Variants in ZCCHC24 observed in about 807,000 individuals in gnomAD.
ZCCHC24 encodes zinc finger CCHC domain-containing protein 24.
Under a neutral mutation model 26.2 loss-of-function variants are expected in ZCCHC24, and 10 were observed. That is an observed-to-expected ratio of 0.38 (90% confidence interval 0.24 to 0.65). The LOEUF is 0.65. Among genes scored for constraint, ZCCHC24 ranks in the 30% least tolerant of loss-of-function variants. ZCCHC24 has a pLI of 0.54. For synonymous variants in ZCCHC24, 144 were observed against 147.1 expected, an observed-to-expected ratio of 0.98 and a Z score of 0.15; for missense variants, 243 against 329.1, an observed-to-expected ratio of 0.74 and a Z score of 2.03.
rs1446966216 is a variant in ZCCHC24 at position 79,383,373 on chromosome 10, G to C, written c.*2972C>G. The stretch of plus-strand genomic sequence containing the variant: ...TTCTATGTAGACAATATTTCCTTCT[G>C]AATGTAGTTCAGTTGCATATTTTTA... On this transcript the variant is annotated 3_prime_UTR_variant, in exon 4 of 4. Coordinates refer to ENST00000372336, the MANE Select transcript of ZCCHC24 (RefSeq NM_153367.4). 6.6e-6 allele frequency: 1 copy of C among 152,472 alleles called. No homozygotes were observed. The highest frequency in any genetic ancestry group is 1.5e-5 in the Non-Finnish European group (1 of 68,016). 9.4% of individuals were successfully genotyped at this position (152,472 alleles called of 1,614,324 possible).
intron 2 of ZCCHC24, among the ~76,000 whole-genome samples, chr10:79,409,843 C>T (rs889362387): frequency 2.0e-5 from 3 of 152,208 alleles, no homozygotes; most frequent in Admixed American, 6.5e-5. Flanking sequence ...GTCCCCACTG[C>T]GAGTGTTTGG....
rs1296917081 is a variant in ZCCHC24 at position 79,385,496 on chromosome 10, G to A, written c.*849C>T. 2.0e-5 allele frequency: 3 copies of A among 152,286 alleles called. No individual in the cohort carries two copies. The highest frequency in any genetic ancestry group is 7.2e-5 in the African/African-American group (3 of 41,464). The allele number at this position is 152,286 out of a possible 1,614,324, so 9.4% of individuals were successfully genotyped here. ...CCGAGGTCTCCAGAACACCAGGCTT[G>A]TGTCCTTTCTGCTGGAACAGACACG... On this transcript the variant is annotated 3_prime_UTR_variant, in exon 4 of 4. Transcript: ENST00000372336. This position sits in a 1 kb window ranked among gnomAD's most constrained non-coding sequence, Gnocchi z 4.3.
chr10:79,430,685 A>G (rs145769454), intron 2 of ZCCHC24, among the ~76,000 whole-genome samples: 1 of 76,020 alleles, frequency 1.3e-5, no homozygotes, highest in Non-Finnish European at 2.5e-5. Context: ...ACACACACAC[A>G]CCACACACAC....
intron 1 of ZCCHC24, chr10:79,444,170 T>A: frequency 6.5e-7 from 1 of 1,539,244 alleles, no homozygotes; most frequent in Non-Finnish European, 8.8e-7. Context: ...CTCTTGCATC[T>A]TTGCAGAGAA....
rs1478131855 is a variant in ZCCHC24 at position 79,444,454 on chromosome 10, T to C, written c.246+741A>G. Among the ~76,000 whole-genome samples, 3 of 151,776 alleles carry C rather than the reference T, an allele frequency of 2.0e-5. No individual in the cohort carries two copies. In the East Asian group the frequency reaches 5.8e-4, roughly 29 times the overall value. ...CGGCCCAGGTTTCTGCAGAAGGCGC[T>C]GGGCAGCTGGAACCTCTCCCCCCCC... On this transcript the variant is annotated intron_variant, in intron 1 of 3. Coordinates refer to ENST00000372336, the MANE Select transcript of ZCCHC24 (RefSeq NM_153367.4).
chr10:79,388,387 C>G (rs1430683015), intron 3 of ZCCHC24, among the ~76,000 whole-genome samples: 1 of 152,232 alleles, frequency 6.6e-6, no homozygotes, highest in Admixed American at 6.5e-5. Context: ...GCTCCTCCAT[C>G]TGGGGCTTGG....
chr10:79,444,395 G>C lies in ZCCHC24; in HGVS notation c.246+800C>G, dbSNP rs1482067551. 7 of 634,274 alleles carry C rather than the reference G, an allele frequency of 1.1e-5. No individual in the cohort carries two copies. In the South Asian group the frequency reaches 2.1e-4, roughly 19 times the overall value. 39.3% of individuals were successfully genotyped at this position (634,274 alleles called of 1,614,324 possible). On this transcript the variant is annotated intron_variant, in intron 1 of 3. Coordinates refer to ENST00000372336, the MANE Select transcript of ZCCHC24 (RefSeq NM_153367.4). ...GCGCTGCCCAGTCAACTTTGTAACT[G>C]AATCCACCAAACAGGCAGACTTTGC...
At chr10:79,399,185 C>T (rs1312083578) in intron 2 of ZCCHC24, among the ~76,000 whole-genome samples, 1 of 152,204 alleles carries the variant, frequency 6.6e-6, no homozygotes, top group Non-Finnish European at 1.5e-5. Flanking sequence ...CTGTGGGCAG[C>T]TCTTAGCAGC....
At chr10:79,419,706 G>A (rs1431337314) in intron 2 of ZCCHC24, among the ~76,000 whole-genome samples, 1 of 152,150 alleles carries the variant, frequency 6.6e-6, no homozygotes, top group Non-Finnish European at 1.5e-5. Context: ...ATCAGAGAGG[G>A]CTTCCCAAAG....
intron 2 of ZCCHC24, among the ~76,000 whole-genome samples, chr10:79,404,664 C>T (rs1230538292): frequency 1.3e-5 from 2 of 152,172 alleles, no homozygotes; most frequent in African/African-American, 4.8e-5. Context: ...ACCTTTCTTC[C>T]GACTGCACCT....
Position 79,386,230 on chromosome 10 carries a change from A to T in ZCCHC24, c.*115T>A. 1.1e-6 allele frequency: 1 copy of T among 924,604 alleles called. No individual in the cohort carries two copies. The highest frequency in any genetic ancestry group is 1.7e-6 in the Non-Finnish European group (1 of 584,506). 57.3% of individuals were successfully genotyped at this position (924,604 alleles called of 1,614,324 possible). A position where few individuals can be genotyped will look rare whatever the true frequency, so the allele number is the denominator to read the frequency against. On this transcript the variant is annotated 3_prime_UTR_variant, in exon 4 of 4. Transcript: ENST00000372336. ...CTAAGAGCCCCCGGCCCAGCCCCGCAGGCCTGCGAGGGCACCCCATGCACA... is the reference window on the plus strand; with the variant it reads ...CTAAGAGCCCCCGGCCCAGCCCCGCTGGCCTGCGAGGGCACCCCATGCACA...
chr10:79,396,477 A>G (rs1165934472), intron 2 of ZCCHC24, among the ~76,000 whole-genome samples: 1 of 152,170 alleles, frequency 6.6e-6, no homozygotes, highest in Non-Finnish European at 1.5e-5. Flanking sequence ...CTTCCTCCAC[A>G]TCACCTCTGC....
intron 2 of ZCCHC24, 133 bp downstream of exon 2, chr10:79,432,425 G>A: frequency 4.3e-6 from 4 of 940,354 alleles, no homozygotes; most frequent in Non-Finnish European, 6.1e-6. Context: ...AAGGGTAGAG[G>A]CCAGAGGACC....
intron 1 of ZCCHC24, among the ~76,000 whole-genome samples, chr10:79,436,141 G>T (rs1857215655): frequency 6.6e-6 from 1 of 152,116 alleles, no homozygotes; most frequent in African/African-American, 2.4e-5. Context: ...TGGCTGGAGT[G>T]CAAGGTGGCC....
intron 3 of ZCCHC24, among the ~76,000 whole-genome samples, chr10:79,392,309 G>A (rs1336896598): frequency 2.0e-5 from 3 of 152,122 alleles, no homozygotes; most frequent in East Asian, 3.9e-4. Context: ...CTGGGATGCG[G>A]CTGGGTGGTC....
chr10:79,429,339 T>C (rs1857094340), intron 2 of ZCCHC24, among the ~76,000 whole-genome samples: 1 of 152,114 alleles, frequency 6.6e-6, no homozygotes, highest in Admixed American at 6.5e-5. Flanking sequence ...TCCCAGCACT[T>C]TGGGAGGCTG....
chr10:79,399,805 A>T (rs1445671636), intron 2 of ZCCHC24, among the ~76,000 whole-genome samples: 1 of 152,174 alleles, frequency 6.6e-6, no homozygotes, highest in Non-Finnish European at 1.5e-5. Flanking sequence ...TTCGGAAGAG[A>T]TGTGGAGGAG....
intron 2 of ZCCHC24, among the ~76,000 whole-genome samples, chr10:79,420,618 A>C (rs1340498323): frequency 6.6e-6 from 1 of 152,184 alleles, no homozygotes; most frequent in Non-Finnish European, 1.5e-5. Flanking sequence ...GTCTCTACTA[A>C]AAATACAAAA....
chr10:79,415,901 G>A (rs555363491), intron 2 of ZCCHC24, among the ~76,000 whole-genome samples: 136 of 152,298 alleles, frequency 8.9e-4, no homozygotes, highest in Non-Finnish European at 1.3e-3. Context: ...GGCAGCCTCC[G>A]GGAATGGGGA....
Sources: allele counts gnomAD v4.1 joint callset (sites outside exome capture counted in the v4.1 genomes callset), GRCh38; gene constraint gnomAD v4.1.1; non-coding constraint Gnocchi (gnomAD v3.1); transcripts MANE v1.5; gene names NCBI Gene and HGNC (gene_info 2026-07-23, HGNC 2026-07-21).